The following LARGE1 variants were observed in gnomAD, a reference collection of about 807,000 sequenced individuals.
LARGE1 encodes LARGE xylosyl- and glucuronyltransferase 1.
A neutral mutation model predicts 87.6 loss-of-function variants in LARGE1; 43 were observed. The ratio of observed to expected loss-of-function variants is 0.49; its 90% CI spans 0.38 to 0.63. The LOEUF (loss-of-function observed/expected upper bound fraction) is 0.63. LARGE1 is among the 30% of genes least tolerant of loss of function. LARGE1 has a pLI of 0.00. For synonymous variants in LARGE1, 434 were observed against 394.6 expected, an observed-to-expected ratio of 1.10 and a Z score of -1.18; for missense variants, 802 against 1,000.2, an observed-to-expected ratio of 0.80 and a Z score of 2.67.
At position 33,701,021 on chromosome 22, in the gene LARGE1, T is replaced by C. The variant is rs529667612; in HGVS notation, c.107-50353A>G. 2.6e-5 allele frequency among the ~76,000 whole-genome samples: 4 copies of C among 152,276 alleles called. No individual in the cohort carries two copies. In the South Asian group the frequency reaches 8.3e-4, roughly 32 times the overall value. The stretch of plus-strand genomic sequence containing the variant: ...AGAGGAACATGGATTTCCTGGGATC[T>C]TGTTAAAATGCGGGCTCTGATTCAT... On this transcript the variant is annotated intron_variant, in intron 2 of 14. Transcript: ENST00000397394.
chr22:33,452,872 T>A (rs1006608098), intron 6 of LARGE1, among the ~76,000 whole-genome samples: 1 of 146,326 alleles, frequency 6.8e-6, no homozygotes, highest in Non-Finnish European at 1.5e-5. Context: ...AACATGCTCA[T>A]TTCCTTTACT....
chr22:33,135,875 A>G, the LARGE1 span, among the ~76,000 whole-genome samples: 3 of 151,862 alleles, frequency 2.0e-5, no homozygotes, highest in Admixed American at 2.0e-4. Context: ...AATAAAATAA[A>G]ATAAAAGTGA....
At chr22:33,429,967 T>TG (rs1569156494) in intron 7 of LARGE1, among the ~76,000 whole-genome samples, 1 of 152,190 alleles carries the variant, frequency 6.6e-6, no homozygotes. Context: ...AGCAGGCCCT[T>TG]GGACATTCTG....
intron 10 of LARGE1, among the ~76,000 whole-genome samples, chr22:33,327,600 G>T (rs1937351296): frequency 2.0e-5 from 3 of 152,198 alleles, no homozygotes. Context: ...CTGTCGCTCA[G>T]GCTAGAGTGT....
intron 6 of LARGE1, among the ~76,000 whole-genome samples, chr22:33,551,100 C>T (rs1033653692): frequency 6.6e-6 from 1 of 152,126 alleles, no homozygotes; most frequent in African/African-American, 2.4e-5. Flanking sequence ...GTATAATGTG[C>T]ATTATTCGTA....
intron 11 of LARGE1, among the ~76,000 whole-genome samples, chr22:33,245,325 T>C (rs1322940676): frequency 6.6e-6 from 1 of 152,230 alleles, no homozygotes; most frequent in East Asian, 1.9e-4. Context: ...GGTGTTTTTC[T>C]GCTAGAGTTT....
the LARGE1 span, among the ~76,000 whole-genome samples, chr22:33,084,832 T>TTGC: frequency 6.6e-6 from 1 of 152,206 alleles, no homozygotes; most frequent in Non-Finnish European, 1.5e-5. Flanking sequence ...CATGGAAAAT[T>TTGC]ATCAACTAGA....
chr22:33,368,285 C>T lies in LARGE1; in HGVS notation c.1131+13634G>A, dbSNP rs544836707. 1.4e-4 allele frequency among the ~76,000 whole-genome samples: 22 copies of T among 152,130 alleles called. No homozygotes were observed. In the South Asian group the frequency reaches 4.4e-3, roughly 30 times the overall value. On this transcript the variant is annotated intron_variant, in intron 9 of 14. Coordinates refer to ENST00000397394, the MANE Select transcript of LARGE1 (RefSeq NM_133642.5). ...GTGGCTCATGCCTGTAATCCCAGCA[C>T]TTTGGGAGGCCGAGGTGGGAGGCCG...
At chr22:33,810,968 C>T (rs887090911) in intron 1 of LARGE1, among the ~76,000 whole-genome samples, 3 of 152,098 alleles carry the variant, frequency 2.0e-5, no homozygotes, top group Non-Finnish European at 2.9e-5. Flanking sequence ...GTGATCTACC[C>T]GCCTCGGCTT....
chr22:33,815,296 A>G (rs2086617352), intron 1 of LARGE1, among the ~76,000 whole-genome samples: 1 of 152,226 alleles, frequency 6.6e-6, no homozygotes, highest in Non-Finnish European at 1.5e-5. Context: ...TCTAAGCCAG[A>G]GACCTCACAG....
intron 1 of LARGE1, among the ~76,000 whole-genome samples, chr22:33,822,275 T>C (rs1157715786): frequency 2.6e-5 from 4 of 152,194 alleles, no homozygotes; most frequent in African/African-American, 9.6e-5. Flanking sequence ...GGCTTTCCTA[T>C]ACTTCTCTTA....
intron 6 of LARGE1, among the ~76,000 whole-genome samples, chr22:33,502,662 G>C (rs2070519634): frequency 6.6e-6 from 1 of 151,950 alleles, no homozygotes; most frequent in African/African-American, 2.4e-5. Flanking sequence ...TCCGCCTCCA[G>C]GGTCCACGCC....
chr22:33,146,478 A>G, the LARGE1 span, among the ~76,000 whole-genome samples: 12,398 of 152,206 alleles, frequency 0.081, 598 homozygotes, highest in Middle Eastern at 0.14. Flanking sequence ...TAGTGCTTTC[A>G]GGGTTCATAT....
chr22:33,395,576 C>G (rs1174694904), intron 7 of LARGE1, among the ~76,000 whole-genome samples: 1 of 152,210 alleles, frequency 6.6e-6, no homozygotes, highest in Non-Finnish European at 1.5e-5. Context: ...GGTTCTGCCA[C>G]TATTCCCTCC....
At chr22:33,316,754 AG>A (rs1936204217) in intron 10 of LARGE1, among the ~76,000 whole-genome samples, 1 of 152,158 alleles carries the variant, frequency 6.6e-6, no homozygotes. Context: ...AAACAAACAA[AG>A]AAAAAAACAA....
intron 6 of LARGE1, among the ~76,000 whole-genome samples, chr22:33,452,951 TG>T (rs2067996020): frequency 6.6e-6 from 1 of 152,206 alleles, no homozygotes; most frequent in Non-Finnish European, 1.5e-5. Context: ...GGAATTACCG[TG>T]ACGGAGGATT....
intron 6 of LARGE1, among the ~76,000 whole-genome samples, chr22:33,543,926 G>A (rs141478995): frequency 6.6e-6 from 1 of 152,346 alleles, no homozygotes; most frequent in East Asian, 1.9e-4. Context: ...AGCTCACTGT[G>A]TCTAAACTGT....
intron 1 of LARGE1, among the ~76,000 whole-genome samples, chr22:33,904,558 G>T (rs1458249491): frequency 1.3e-5 from 2 of 152,182 alleles, no homozygotes; most frequent in Non-Finnish European, 2.9e-5. Context: ...ATCCCATGGG[G>T]ACAGGCTGCC....
chr22:33,253,970 G>A (rs2145725427), intron 11 of LARGE1, among the ~76,000 whole-genome samples: 1 of 149,722 alleles, frequency 6.7e-6, no homozygotes. Flanking sequence ...GTAAAAGACT[G>A]CACTTCCCAG....
Sources: gnomAD v4.1 joint callset for allele counts (sites outside exome capture counted in the v4.1 genomes callset) on GRCh38, gnomAD v4.1.1 for gene constraint, MANE v1.5 for transcripts, NCBI Gene and HGNC (gene_info 2026-07-23, HGNC 2026-07-21) for gene names.